COLQ: variants seen among roughly 807,000 people sequenced by gnomAD.
COLQ encodes collagen like tail subunit of asymmetric acetylcholinesterase, also known as acetylcholinesterase collagenic tail peptide.
In COLQ, 48 loss-of-function variants were observed where a neutral mutation model predicts 69.0. That is an observed-to-expected ratio of 0.70 (90% confidence interval 0.55 to 0.88). COLQ has a LOEUF of 0.88. COLQ is among the 40% of genes least tolerant of loss of function. The pLI is 0.00. For synonymous variants in COLQ, 217 were observed against 211.2 expected (o/e 1.03, Z -0.24); for missense variants, 618 against 594.6 (o/e 1.04, Z -0.41).
In COLQ at chr3:15,451,547, G is replaced by T; in HGVS notation, c.*97C>A. ...TTTGTCCTTGTTTTTGTCACACAAA[G>T]GTTGGTGGAGACGGGGCCAGGACAT... On this transcript the variant is annotated 3_prime_UTR_variant, in exon 17 of 17. Coordinates refer to ENST00000383788, the MANE Select transcript of COLQ (RefSeq NM_005677.4). The T allele has an allele frequency of 8.9e-7, 1 of 1,123,636 alleles. No homozygotes were observed. The highest frequency in any genetic ancestry group is 1.4e-6 in the Non-Finnish European group (1 of 731,934). The allele number at this position is 1,123,636 out of a possible 1,614,324, so 69.6% of individuals were successfully genotyped here.
At chr3:15,507,798 CTG>C (rs982803195) in intron 1 of COLQ, among the ~76,000 whole-genome samples, 5 of 152,280 alleles carry the variant, frequency 3.3e-5, no homozygotes, top group East Asian at 1.9e-4. Flanking sequence ...GTAAATGAGA[CTG>C]AGAATATTTT....
chr3:15,462,566 C>G (rs887282093), intron 12 of COLQ, among the ~76,000 whole-genome samples: 1 of 152,196 alleles, frequency 6.6e-6, no homozygotes, highest in African/African-American at 2.4e-5. Context: ...CCACAGAACC[C>G]CTGCCTGGGA....
chr3:15,510,858 AGAAGGAAG>A lies in COLQ; in HGVS notation c.106+10654_106+10661del, dbSNP rs10546993. On this transcript the variant is annotated intron_variant, in intron 1 of 16. Coordinates refer to ENST00000383788, the MANE Select transcript of COLQ (RefSeq NM_005677.4). ...AGGAAGGGAGGGAGAGAGGAAGGAAAGAAGGAAGGAAGGAAGGAAGGAAGGAAACCAAA... is the reference window on the plus strand; with the variant it reads ...AGGAAGGGAGGGAGAGAGGAAGGAAAGAAGGAAGGAAGGAAGGAAACCAAA... Among the ~76,000 whole-genome samples, 783 of 146,706 alleles carry A rather than the reference AGAAGGAAG, an allele frequency of 5.3e-3. 6 individuals are homozygous for A. The highest frequency in any genetic ancestry group is 0.018 in the African/African-American group (717 of 39,148).
chr3:15,491,919 A>G (rs1322363492), intron 1 of COLQ, among the ~76,000 whole-genome samples: 1 of 151,986 alleles, frequency 6.6e-6, no homozygotes, highest in East Asian at 1.9e-4. Flanking sequence ...TTAGCTGGGC[A>G]CGGTGGCATG....
At chr3:15,456,644 G>C (rs2062030020) in intron 13 of COLQ, 65 bp from the exon 14 acceptor site, 1 of 1,602,902 alleles carries the variant, frequency 6.2e-7, no homozygotes, top group Admixed American at 1.7e-5. Context: ...AAAAAAGCTG[G>C]AGGAGGAAAC....
intron 1 of COLQ, among the ~76,000 whole-genome samples, chr3:15,508,260 C>T (rs984181580): frequency 5.9e-5 from 9 of 152,198 alleles, no homozygotes; most frequent in East Asian, 1.9e-4. Flanking sequence ...AGCCTGCCAA[C>T]GCCAGCTGTC....
intron 1 of COLQ, among the ~76,000 whole-genome samples, chr3:15,512,754 A>G (rs1201423721): frequency 6.6e-6 from 1 of 152,210 alleles, no homozygotes; most frequent in Non-Finnish European, 1.5e-5. Flanking sequence ...GCACTACTGA[A>G]AGTACTTTAT....
chr3:15,475,589 C>T (rs904000866), intron 6 of COLQ, 102 bp from the exon 7 acceptor site: 3 of 1,179,290 alleles, frequency 2.5e-6, no homozygotes, highest in Admixed American at 4.0e-5. Flanking sequence ...GATATCAGGG[C>T]TGGCTTGTAA....
intron 15 of COLQ, among the ~76,000 whole-genome samples, chr3:15,455,353 T>TAAAAAC (rs1177322593): frequency 9.9e-5 from 14 of 141,622 alleles, no homozygotes; most frequent in Admixed American, 9.5e-4. Context: ...GTTACTTGAT[T>TAAAAAC]AAAAACAAAA....
intron 3 of COLQ, among the ~76,000 whole-genome samples, chr3:15,485,922 AC>A (rs1166513353): frequency 1.3e-5 from 2 of 152,218 alleles, no homozygotes; most frequent in Non-Finnish European, 2.9e-5. Context: ...CGATCAAGCC[AC>A]TGCACTCTAA....
chr3:15,504,430 G>A (rs960335024), intron 1 of COLQ, among the ~76,000 whole-genome samples: 6 of 152,110 alleles, frequency 3.9e-5, no homozygotes, highest in African/African-American at 9.7e-5. Context: ...GCCTCTCTTC[G>A]GAACACATCC....
intron 1 of COLQ, among the ~76,000 whole-genome samples, chr3:15,511,510 C>T (rs1254208958): frequency 6.6e-6 from 1 of 152,178 alleles, no homozygotes; most frequent in Non-Finnish European, 1.5e-5. Flanking sequence ...TCAATCCTCA[C>T]TTTCTACTGG....
intron 1 of COLQ, among the ~76,000 whole-genome samples, chr3:15,506,104 G>C (rs1212724178): frequency 6.6e-6 from 1 of 152,174 alleles, no homozygotes; most frequent in African/African-American, 2.4e-5. Flanking sequence ...AAATTGGGGA[G>C]CCTAGGGTTG....
chr3:15,475,340 C>T, intron 7 of COLQ, 85 bp downstream of exon 7: 1 of 1,303,110 alleles, frequency 7.7e-7, no homozygotes, highest in Non-Finnish European at 1.1e-6. Flanking sequence ...GGACTGCAGC[C>T]CCACCCAGTC....
At chr3:15,498,121 G>A (rs1575489704) in intron 1 of COLQ, among the ~76,000 whole-genome samples, 2 of 152,104 alleles carry the variant, frequency 1.3e-5, no homozygotes, top group East Asian at 3.9e-4. Context: ...ACGCCAGCGG[G>A]GGCCCAGACT....
At chr3:15,489,253 T>C (rs1223883905) in intron 2 of COLQ, among the ~76,000 whole-genome samples, 1 of 152,174 alleles carries the variant, frequency 6.6e-6, no homozygotes, top group African/African-American at 2.4e-5. Context: ...CACCTCATGG[T>C]TTTTGAGAAG....
intron 1 of COLQ, among the ~76,000 whole-genome samples, chr3:15,499,035 C>T (rs1453078085): frequency 1.3e-5 from 2 of 151,980 alleles, no homozygotes; most frequent in South Asian, 2.1e-4. Context: ...CCACCGAGAC[C>T]GTCCAAGGGG....
chr3:15,464,913 C>A (rs765071401), intron 12 of COLQ, among the ~76,000 whole-genome samples: 1 of 152,204 alleles, frequency 6.6e-6, no homozygotes, highest in Admixed American at 6.5e-5. Context: ...TGGTGGCTCA[C>A]GCCTGTATTC....
chr3:15,519,951 A>G (rs2063113993), intron 1 of COLQ, among the ~76,000 whole-genome samples: 1 of 152,260 alleles, frequency 6.6e-6, no homozygotes, highest in South Asian at 2.1e-4. Context: ...GGAAAACAGT[A>G]AAGTACAAGA....
Sources: gnomAD v4.1 joint callset for allele counts (sites outside exome capture counted in the v4.1 genomes callset) on GRCh38, gnomAD v4.1.1 for gene constraint, MANE v1.5 for transcripts, NCBI Gene and HGNC (gene_info 2026-07-23, HGNC 2026-07-21) for gene names.